The following STX8 variants were observed in gnomAD, a reference collection of about 807,000 sequenced individuals.
STX8 encodes the protein syntaxin-8.
In STX8, 23 loss-of-function variants were observed where a neutral mutation model predicts 37.5. The ratio of observed to expected loss-of-function variants is 0.61; its 90% CI spans 0.44 to 0.87. The LOEUF (loss-of-function observed/expected upper bound fraction) is 0.87. STX8 is among the 40% of genes least tolerant of loss of function. The probability of loss-of-function intolerance (pLI) is 0.00; values close to 1 mark genes in which losing one functional copy is unlikely to be tolerated. For missense variants in STX8, 313 were observed against 284.7 expected, an observed-to-expected ratio of 1.10 and a Z score of -0.71; for synonymous variants, 115 against 99.1, an observed-to-expected ratio of 1.16 and a Z score of -0.95.
chr17:9,261,738 A>G (rs1037873750), intron 7 of STX8, among the ~76,000 whole-genome samples: 4 of 152,178 alleles, frequency 2.6e-5, no homozygotes, highest in Non-Finnish European at 4.4e-5. Flanking sequence ...CAAGAGCAGC[A>G]GGTTAGGAGT....
intron 2 of STX8, among the ~76,000 whole-genome samples, chr17:9,567,453 C>T (rs948616327): frequency 1.3e-5 from 2 of 151,994 alleles, no homozygotes; most frequent in Non-Finnish European, 1.5e-5. Context: ...GTAAAATAGA[C>T]CAAATGAGTA....
At chr17:9,454,254 T>C (rs1345620820) in intron 6 of STX8, among the ~76,000 whole-genome samples, 1 of 152,140 alleles carries the variant, frequency 6.6e-6, no homozygotes, top group Non-Finnish European at 1.5e-5. Flanking sequence ...GGCTACCAAA[T>C]GACTCGTAGG....
chr17:9,428,607 G>C (rs770766372), intron 6 of STX8, among the ~76,000 whole-genome samples: 15 of 152,192 alleles, frequency 9.9e-5, no homozygotes, highest in Non-Finnish European at 1.9e-4. Context: ...TTCTGGACAA[G>C]CCCTGTCTGA....
At chr17:9,542,521 CA>C (rs1424267401) in intron 4 of STX8, among the ~76,000 whole-genome samples, 1 of 150,360 alleles carries the variant, frequency 6.7e-6, no homozygotes, top group Non-Finnish European at 1.5e-5. Context: ...ACTAAAAATA[CA>C]AAAAATTAGC....
At chr17:9,409,528 A>G (rs893760035) in intron 6 of STX8, among the ~76,000 whole-genome samples, 1 of 152,190 alleles carries the variant, frequency 6.6e-6, no homozygotes, top group Admixed American at 6.5e-5. Context: ...ACTTAATTGA[A>G]TAATTTCTCA....
intron 6 of STX8, among the ~76,000 whole-genome samples, chr17:9,402,966 A>C (rs1344998509): frequency 2.6e-5 from 4 of 152,168 alleles, no homozygotes; most frequent in African/African-American, 9.7e-5. Flanking sequence ...TCACGAATTC[A>C]TAGCTTCGGT....
At chr17:9,326,006 G>C (rs1250015417) in intron 7 of STX8, among the ~76,000 whole-genome samples, 1 of 152,226 alleles carries the variant, frequency 6.6e-6, no homozygotes, top group East Asian at 1.9e-4. Context: ...AGCCATGCTA[G>C]CTAGTGGGAA....
intron 7 of STX8, among the ~76,000 whole-genome samples, chr17:9,337,714 C>A (rs933294603): frequency 1.3e-4 from 20 of 152,288 alleles, no homozygotes; most frequent in African/African-American, 4.6e-4. Flanking sequence ...CTGTGCTGTT[C>A]TGGAGGACAT....
At chr17:9,534,630 A>C (rs766322669) in intron 4 of STX8, among the ~76,000 whole-genome samples, 3 of 152,326 alleles carry the variant, frequency 2.0e-5, no homozygotes, top group Non-Finnish European at 2.9e-5. Flanking sequence ...TCTTCTAAAA[A>C]TACAAAAATT....
At chr17:9,396,671 T>C (rs932094125) in intron 6 of STX8, among the ~76,000 whole-genome samples, 1 of 150,810 alleles carries the variant, frequency 6.6e-6, no homozygotes, top group Non-Finnish European at 1.5e-5. Flanking sequence ...GATCGAGCCA[T>C]TGCACTCCAT....
chr17:9,526,863 C>CA (rs1646970176), intron 4 of STX8, among the ~76,000 whole-genome samples: 1 of 149,988 alleles, frequency 6.7e-6, no homozygotes, highest in Admixed American at 6.6e-5. Context: ...AACTCCATCT[C>CA]AAAAAAACAA....
At chr17:9,349,123 C>A (rs1442965582) in intron 7 of STX8, among the ~76,000 whole-genome samples, 1 of 151,880 alleles carries the variant, frequency 6.6e-6, no homozygotes, top group African/African-American at 2.4e-5. Context: ...TCCCGAGTAG[C>A]TGGGATTATA....
At chr17:9,251,811 T>G (rs1241985146) in intron 7 of STX8, among the ~76,000 whole-genome samples, 2 of 152,228 alleles carry the variant, frequency 1.3e-5, no homozygotes, top group East Asian at 1.9e-4. Context: ...CATACCAATC[T>G]TAAGCTCAAC....
At chr17:9,460,754 TATA>T (rs1428673372) in intron 6 of STX8, among the ~76,000 whole-genome samples, 25 of 152,054 alleles carry the variant, frequency 1.6e-4, no homozygotes, top group African/African-American at 6.0e-4. Context: ...AGTAAATATG[TATA>T]TGGTGGTTAA....
At chr17:9,458,136 G>C (rs1905233960) in intron 6 of STX8, among the ~76,000 whole-genome samples, 1 of 152,224 alleles carries the variant, frequency 6.6e-6, no homozygotes, top group Non-Finnish European at 1.5e-5. Context: ...ATATGGAGGA[G>C]TAAATATGCT....
chr17:9,460,670 T>G (rs1292211607), intron 6 of STX8, among the ~76,000 whole-genome samples: 2 of 74,620 alleles, frequency 2.7e-5, no homozygotes, highest in African/African-American at 6.0e-5. Flanking sequence ...TGAGACTCTG[T>G]CTCAAAAAAA....
intron 6 of STX8, among the ~76,000 whole-genome samples, chr17:9,387,664 T>C (rs1912063137): frequency 6.6e-6 from 1 of 152,220 alleles, no homozygotes; most frequent in Admixed American, 6.5e-5. Flanking sequence ...TCATGCTTTG[T>C]ACTTGGCCTT....
chr17:9,481,035 CCACCA>C (rs1906317473), intron 6 of STX8, among the ~76,000 whole-genome samples: 1 of 152,136 alleles, frequency 6.6e-6, no homozygotes, highest in Non-Finnish European at 1.5e-5. Context: ...CAGGCACCCG[CCACCA>C]CACCTGGCTA....
chr17:9,413,223 G>A (rs1474031591), intron 6 of STX8, among the ~76,000 whole-genome samples: 4 of 152,214 alleles, frequency 2.6e-5, no homozygotes, highest in African/African-American at 7.2e-5. Context: ...TCTGTTATGA[G>A]TAGGAAATTC....
Sources: gnomAD v4.1 joint callset for allele counts (sites outside exome capture counted in the v4.1 genomes callset) on GRCh38, gnomAD v4.1.1 for gene constraint, MANE v1.5 for transcripts, NCBI Gene and HGNC (gene_info 2026-07-23, HGNC 2026-07-21) for gene names.